FGF14: variants seen among roughly 807,000 people sequenced by gnomAD.
FGF14 encodes fibroblast growth factor 14, also known as fibroblast growth factor homologous factor 4.
Under a neutral mutation model 25.5 loss-of-function variants are expected in FGF14, and 5 were observed. The observed-to-expected ratio is 0.20, with a 90% CI of 0.10 to 0.41. The LOEUF (loss-of-function observed/expected upper bound fraction) is 0.41. FGF14 is among the 10% of genes least tolerant of loss of function. FGF14 has a pLI of 1.00. For synonymous variants in FGF14, 138 were observed against 118.3 expected, an observed-to-expected ratio of 1.17 and a Z score of -1.08; for missense variants, 222 against 320.1, an observed-to-expected ratio of 0.69 and a Z score of 2.34.
intron 1 of FGF14, among the ~76,000 whole-genome samples, chr13:102,140,741 ACT>A (rs1400822837): frequency 3.3e-5 from 5 of 152,138 alleles, no homozygotes; most frequent in Non-Finnish European, 7.4e-5. Flanking sequence ...TTTAGCAGAA[ACT>A]CTGCCCCCAG....
chr13:102,110,007 A>T (rs1346012769), intron 1 of FGF14, among the ~76,000 whole-genome samples: 1 of 152,234 alleles, frequency 6.6e-6, no homozygotes, highest in Non-Finnish European at 1.5e-5. Flanking sequence ...AATAGATTAA[A>T]GATAAATCGA....
At chr13:102,373,779 G>T (rs951730564) in intron 1 of FGF14, 3 of 152,108 alleles carry the variant, frequency 2.0e-5, no homozygotes, top group African/African-American at 7.2e-5. Context: ...ATCTTCAGAG[G>T]AGTTCAATTA....
chr13:102,222,402 T>C (rs762732359), intron 1 of FGF14, among the ~76,000 whole-genome samples: 1 of 152,198 alleles, frequency 6.6e-6, no homozygotes, highest in Non-Finnish European at 1.5e-5. Context: ...TATGTAATTT[T>C]GAAAGTTGAA....
chr13:102,195,377 G>A (rs1284561180), intron 1 of FGF14, among the ~76,000 whole-genome samples: 2 of 152,042 alleles, frequency 1.3e-5, no homozygotes, highest in Non-Finnish European at 2.9e-5. Flanking sequence ...GAGCTATGTA[G>A]CAGCAAAATT....
intron 1 of FGF14, among the ~76,000 whole-genome samples, chr13:102,198,415 CTAGCCACTGAG>C (rs893981029): frequency 1.1e-4 from 17 of 152,276 alleles, no homozygotes; most frequent in African/African-American, 4.1e-4. Flanking sequence ...AGAGGATGAC[CTAGCCACTGAG>C]TGAAGATTTC....
At position 102,106,949 on chromosome 13, in the gene FGF14, A is replaced by G. The variant is rs148565681; in HGVS notation, c.209-231653T>C. 8.6e-4 allele frequency among the ~76,000 whole-genome samples: 131 copies of G among 152,352 alleles called. 3 individuals carry two copies. The highest frequency in any genetic ancestry group is 3.1e-3 in the African/African-American group (127 of 41,580). On this transcript the variant is annotated intron_variant, in intron 1 of 4. Coordinates refer to the FGF14 transcript ENST00000376131. ...AATTAATCAGGTGGTCCACACCTGG[A>G]CTGAGGCAACAGTCCGATAGCTCAC...
chr13:102,067,626 C>T lies in FGF14; in HGVS notation c.209-192330G>A, dbSNP rs141780081. Among the ~76,000 whole-genome samples the T allele has an allele frequency of 8.2e-3, 1,223 of 149,784 alleles. 16 individuals carry two copies. The highest frequency in any genetic ancestry group is 0.028 in the African/African-American group (1,152 of 40,522). Reference sequence around the variant, plus strand: ...AGGGGAGACAAAATAACAAAGAATACAAAGGAATAAAGCATGCCTACTAGA... The same window carrying T: ...AGGGGAGACAAAATAACAAAGAATATAAAGGAATAAAGCATGCCTACTAGA... On this transcript the variant is annotated intron_variant, in intron 1 of 4. Coordinates refer to the FGF14 transcript ENST00000376131.
chr13:101,744,906 T>C (rs1260182179), intron 3 of FGF14, among the ~76,000 whole-genome samples: 1 of 152,004 alleles, frequency 6.6e-6, no homozygotes, highest in South Asian at 2.1e-4. Context: ...TTGGATCCCC[T>C]GCCCTCAAAG....
chr13:101,809,116 G>A (rs536459866), intron 3 of FGF14, among the ~76,000 whole-genome samples: 1 of 151,726 alleles, frequency 6.6e-6, no homozygotes, highest in East Asian at 2.0e-4. Context: ...TATTAAGAGT[G>A]TGACAGCAAA....
intron 1 of FGF14, among the ~76,000 whole-genome samples, chr13:102,048,190 G>A (rs1450675760): frequency 2.0e-5 from 3 of 152,122 alleles, no homozygotes; most frequent in Non-Finnish European, 4.4e-5. Flanking sequence ...GGTAGATGAG[G>A]AAACAGCATG....
chr13:101,885,732 A>G (rs989846794), intron 1 of FGF14, among the ~76,000 whole-genome samples: 3 of 150,606 alleles, frequency 2.0e-5, no homozygotes, highest in Admixed American at 2.0e-4. Flanking sequence ...AGGGTCCTGG[A>G]GAACCATAGG....
intron 3 of FGF14, among the ~76,000 whole-genome samples, chr13:101,753,376 T>C (rs2037430475): frequency 6.6e-6 from 1 of 152,084 alleles, no homozygotes; most frequent in Non-Finnish European, 1.5e-5. Flanking sequence ...AATTCTATTT[T>C]AGTTCCACCT....
intron 1 of FGF14, among the ~76,000 whole-genome samples, chr13:102,215,915 T>C (rs2050351163): frequency 6.6e-6 from 1 of 152,132 alleles, no homozygotes; most frequent in African/African-American, 2.4e-5. Flanking sequence ...AATTTTCAAG[T>C]GGCCAAAGCA....
intron 1 of FGF14, among the ~76,000 whole-genome samples, chr13:102,271,474 T>A (rs1245322551): frequency 6.6e-6 from 1 of 152,006 alleles, no homozygotes; most frequent in Non-Finnish European, 1.5e-5. Flanking sequence ...TTTCTCAACA[T>A]ACCAAACTCC....
intron 1 of FGF14, among the ~76,000 whole-genome samples, chr13:101,982,315 T>C (rs373321899): frequency 4.3e-4 from 65 of 152,220 alleles, no homozygotes; most frequent in African/African-American, 1.5e-3. Flanking sequence ...AAGTATTTGA[T>C]TGTTCACAGA....
rs1476826789 is a variant in FGF14 at position 102,020,134 on chromosome 13, G to C, written c.209-144838C>G. Among the ~76,000 whole-genome samples, 12 of 152,210 alleles carry C rather than the reference G, an allele frequency of 7.9e-5. No homozygotes were observed. In the East Asian group the frequency reaches 2.3e-3, roughly 30 times the overall value. On this transcript the variant is annotated intron_variant, in intron 1 of 4. Transcript: ENST00000376131. ...TACTAGAGTGAATTTCTGAGAAAGG[G>C]ATGGGATTTGGAGGGAGTGTGGAGG... is the stretch of plus-strand genomic sequence containing the variant.
intron 1 of FGF14, among the ~76,000 whole-genome samples, chr13:102,013,843 T>A (rs16959590): frequency 0.086 from 13,057 of 152,148 alleles, 1,262 homozygotes; most frequent in African/African-American, 0.24. Context: ...AGGATATCTT[T>A]GGGTGGAGAG....
At chr13:101,844,481 A>C (rs2043347950) in intron 3 of FGF14, among the ~76,000 whole-genome samples, 1 of 152,054 alleles carries the variant, frequency 6.6e-6, no homozygotes, top group African/African-American at 2.4e-5. Flanking sequence ...TACAGAATTT[A>C]GCATTTTATT....
chr13:101,978,876 A>G (rs1397933242), intron 1 of FGF14, among the ~76,000 whole-genome samples: 1 of 152,206 alleles, frequency 6.6e-6, no homozygotes, highest in African/African-American at 2.4e-5. Flanking sequence ...CTCTTGCTAC[A>G]TATCACACAC....
Sources: allele counts gnomAD v4.1 joint callset (sites outside exome capture counted in the v4.1 genomes callset), GRCh38; gene constraint gnomAD v4.1.1; transcripts MANE v1.5; gene names NCBI Gene and HGNC (gene_info 2026-07-23, HGNC 2026-07-21).